Variants in ADAM11 observed in about 807,000 individuals in gnomAD.
ADAM11 encodes the protein ADAM metallopeptidase domain 11, also known as disintegrin and metalloproteinase domain-containing protein 11.
A neutral mutation model predicts 119.1 loss-of-function variants in ADAM11; 49 were observed. That is an observed-to-expected ratio of 0.41 (90% confidence interval 0.33 to 0.52). The LOEUF (loss-of-function observed/expected upper bound fraction) is 0.52, where lower values mean the gene tolerates loss of function less well. ADAM11 is among the 20% of genes least tolerant of loss of function. ADAM11 has a pLI of 0.20. For missense variants in ADAM11, 777 were observed against 1,047.5 expected (o/e 0.74, Z 3.56); for synonymous variants, 364 against 408.0 (o/e 0.89, Z 1.30).
rs939032957 is a variant in ADAM11 at position 44,775,174 on chromosome 17, G to A, written c.1221-38G>A. 3.8e-6 allele frequency: 6 copies of A among 1,558,962 alleles called. No individual in the cohort carries two copies. Among genetic ancestry groups the A allele is most frequent in the Non-Finnish European group, 5.3e-6 (6 of 1,131,422 alleles). On this transcript the variant is annotated intron_variant, in intron 14 of 26. Transcript: ENST00000200557. This position sits in a 1 kb window ranked among gnomAD's most constrained non-coding sequence, Gnocchi z 7.5. ...TTGAGAGGGGTGAGGGTGGGTTGGA[G>A]GGGAGCAGCCAGCAGCACCTCCCCT...
Position 44,775,800 on chromosome 17 carries a change from C to A in ADAM11, c.1485+124C>A. 9.7e-7 allele frequency: 1 copy of A among 1,034,268 alleles called. No individual in the cohort carries two copies. The highest frequency in any genetic ancestry group is 1.4e-6 in the Non-Finnish European group (1 of 725,270). The allele number at this position is 1,034,268 out of a possible 1,614,324, so 64.1% of individuals were successfully genotyped here. A position where few individuals can be genotyped will look rare whatever the true frequency, so the allele number is the denominator to read the frequency against. ...GGGGACGAAGGCCTCTGGGGCAGGG[C>A]TTGATGCGAAGACAGCGCCAATGGG... is the stretch of plus-strand genomic sequence containing the variant. On this transcript the variant is annotated intron_variant, in intron 17 of 26. Coordinates refer to ENST00000200557, the MANE Select transcript of ADAM11 (RefSeq NM_002390.6). This position sits in a 1 kb window ranked among gnomAD's most constrained non-coding sequence, Gnocchi z 7.5.
chr17:44,776,337 A>C lies in ADAM11; in HGVS notation c.1566+130A>C. On this transcript the variant is annotated intron_variant, in intron 18 of 26. Transcript: ENST00000200557. This position sits in a 1 kb window ranked among gnomAD's most constrained non-coding sequence, Gnocchi z 5.2. ...GCTGGCATCGACCTCCACTGATCAG[A>C]CTGTTTTCTTATCTGAGAAAGGGGT... 1 of 929,048 alleles carries C rather than the reference A, an allele frequency of 1.1e-6. No individual in the cohort carries two copies. The highest frequency in any genetic ancestry group is 1.7e-6 in the Non-Finnish European group (1 of 606,044). 57.6% of individuals were successfully genotyped at this position (929,048 alleles called of 1,614,324 possible). A position where few individuals can be genotyped will look rare whatever the true frequency, so the allele number is the denominator to read the frequency against.
chr17:44,774,777 A>C, intron 14 of ADAM11, 28 bp downstream of exon 14: 2 of 1,588,166 alleles, frequency 1.3e-6, no homozygotes, highest in Non-Finnish European at 1.7e-6. Context: ...AACCGGGGGA[A>C]GGTCTTGGGC....
In ADAM11 at chr17:44,773,620, C is replaced by T. The variant is rs2049559074; in HGVS notation, c.992+193C>T. Among the ~76,000 whole-genome samples the T allele has an allele frequency of 6.6e-6, 1 of 152,190 alleles. No homozygotes were observed. The highest frequency in any genetic ancestry group is 6.5e-5 in the Admixed American group (1 of 15,286). The stretch of plus-strand genomic sequence containing the variant: ...CTGAATCTGAGGTTGATGCCCTTGT[C>T]TTAGCCCTGGTGGTCCTCTTCTGCC... On this transcript the variant is annotated intron_variant, in intron 11 of 26. Coordinates refer to ENST00000200557, the MANE Select transcript of ADAM11 (RefSeq NM_002390.6). The surrounding 1 kb of genome is among the most constrained non-coding windows in gnomAD (Gnocchi z 4.6).
At chr17:44,765,328 G>A (rs925493122) in intron 2 of ADAM11, among the ~76,000 whole-genome samples, 1 of 152,132 alleles carries the variant, frequency 6.6e-6, no homozygotes, top group Non-Finnish European at 1.5e-5. Context: ...AGGTGGTGGT[G>A]TCTCCTTGCG....
chr17:44,765,538 C>A (rs919325934), intron 2 of ADAM11, among the ~76,000 whole-genome samples: 1 of 151,928 alleles, frequency 6.6e-6, no homozygotes, highest in Non-Finnish European at 1.5e-5. Context: ...TTATTATTGA[C>A]CCTTATGATA....
In ADAM11 at chr17:44,776,646, C is replaced by T; in HGVS notation, c.1567-99C>T. ...GTGGAAGAGCCCTGTGGCATGAGCCCCCAATGGGGGGCACTTGGTACCCCA... is the reference window on the plus strand; with the variant it reads ...GTGGAAGAGCCCTGTGGCATGAGCCTCCAATGGGGGGCACTTGGTACCCCA... On this transcript the variant is annotated intron_variant, in intron 18 of 26. Coordinates refer to ENST00000200557, the MANE Select transcript of ADAM11 (RefSeq NM_002390.6). This position sits in a 1 kb window ranked among gnomAD's most constrained non-coding sequence, Gnocchi z 5.2. 1 of 1,448,338 alleles carries T rather than the reference C, an allele frequency of 6.9e-7. No homozygotes were observed. Among genetic ancestry groups the T allele is most frequent in the South Asian group, 1.3e-5 (1 of 79,992 alleles). The allele number at this position is 1,448,338 out of a possible 1,614,324, so 89.7% of individuals were successfully genotyped here. A position where few individuals can be genotyped will look rare whatever the true frequency, so the allele number is the denominator to read the frequency against.
chr17:44,767,642 G>T (rs983248729), intron 2 of ADAM11, among the ~76,000 whole-genome samples: 6 of 152,296 alleles, frequency 3.9e-5, no homozygotes, highest in Middle Eastern at 3.4e-3. Flanking sequence ...GCCACCTCCA[G>T]CCAGGCCCAG....
In ADAM11 at chr17:44,774,464, A is replaced by T. The variant is rs2049571403; in HGVS notation, c.1078-28A>T. On this transcript the variant is annotated intron_variant, in intron 12 of 26. Transcript: ENST00000200557. The stretch of plus-strand genomic sequence containing the variant: ...GACGTGCCTGTTGGAAGATGTAGAC[A>T]TCTGTGCCCCATCTTCCCCACCCCC... 1.9e-6 allele frequency: 3 copies of T among 1,608,984 alleles called. No homozygotes were observed. In the South Asian group the frequency reaches 3.3e-5, roughly 18 times the overall value.
Position 44,780,229 on chromosome 17 carries a change from G to A in ADAM11, c.*475G>A, listed in dbSNP as rs1446357692. The stretch of plus-strand genomic sequence containing the variant: ...TTAATCGATGAATGTAAACTCGGGG[G>A]TGCTGGGGCCAGGGCAGATGTGGGG... On this transcript the variant is annotated 3_prime_UTR_variant, in exon 27 of 27. Coordinates refer to ENST00000200557, the MANE Select transcript of ADAM11 (RefSeq NM_002390.6). The A allele has an allele frequency of 4.5e-6, 2 of 445,144 alleles. No individual in the cohort carries two copies. Among genetic ancestry groups the A allele is most frequent in the Non-Finnish European group, 8.8e-6 (2 of 227,006 alleles). 27.6% of individuals were successfully genotyped at this position (445,144 alleles called of 1,614,324 possible).
Position 44,770,043 on chromosome 17 carries a change from AGCACC to A in ADAM11, c.378_381+1del. The stretch of plus-strand genomic sequence containing the variant: ...CAGCCGGGAGGGGACAACCCAGCAC[AGCACC>A]GTGAGTGCCACTGCAGGGGACCGGG... On this transcript the variant is annotated frameshift_variant and splice_region_variant, in exon 4 of 27. Coordinates refer to ENST00000200557, the MANE Select transcript of ADAM11 (RefSeq NM_002390.6). LOFTEE classifies it high-confidence loss of function. 6.2e-7 allele frequency: 1 copy of A among 1,614,006 alleles called. No homozygotes were observed. Among genetic ancestry groups the A allele is most frequent in the Non-Finnish European group, 8.5e-7 (1 of 1,179,988 alleles).
rs773470469 is a variant in ADAM11 at position 44,775,374 on chromosome 17, G to A, written c.1321-20G>A. The A allele has an allele frequency of 4.3e-6, 7 of 1,612,720 alleles. No homozygotes were observed. Among genetic ancestry groups the A allele is most frequent in the South Asian group, 1.1e-5 (1 of 91,048 alleles). On this transcript the variant is annotated intron_variant, in intron 15 of 26. Transcript: ENST00000200557. This position sits in a 1 kb window ranked among gnomAD's most constrained non-coding sequence, Gnocchi z 7.5. ...TGGGCGGGGTCCGGGCCAGACTCCCGACCTGTCCTCCCGGTCCAGCTCCTG... is the reference window on the plus strand; with the variant it reads ...TGGGCGGGGTCCGGGCCAGACTCCCAACCTGTCCTCCCGGTCCAGCTCCTG...
In ADAM11 at chr17:44,776,474, G is replaced by A. The variant is rs2049602951; in HGVS notation, c.1566+267G>A. On this transcript the variant is annotated intron_variant, in intron 18 of 26. Coordinates refer to ENST00000200557, the MANE Select transcript of ADAM11 (RefSeq NM_002390.6). This position sits in a 1 kb window ranked among gnomAD's most constrained non-coding sequence, Gnocchi z 5.2. ...GTGTAGGTTAGGGATCAGAGTAGAC[G>A]ATAATATTAGTTAACATCTATTACA... Among the ~76,000 whole-genome samples the A allele has an allele frequency of 6.6e-6, 1 of 152,148 alleles. No individual in the cohort carries two copies. Among genetic ancestry groups the A allele is most frequent in the Non-Finnish European group, 1.5e-5 (1 of 68,028 alleles).
chr17:44,771,951 C>A, intron 6 of ADAM11, 120 bp downstream of exon 6: 2 of 1,170,508 alleles, frequency 1.7e-6, no homozygotes, highest in South Asian at 1.5e-5. Context: ...GCCTCACTGC[C>A]CTCTTCAGTG....
intron 2 of ADAM11, among the ~76,000 whole-genome samples, chr17:44,764,710 C>T (rs946687369): frequency 3.3e-5 from 5 of 152,192 alleles, no homozygotes; most frequent in Admixed American, 3.3e-4. Context: ...GCCCCCTGAA[C>T]ACCACCTTCC....
intron 2 of ADAM11, 97 bp from the exon 3 acceptor site, chr17:44,769,620 CA>C: frequency 7.6e-6 from 6 of 791,262 alleles, no homozygotes; most frequent in Admixed American, 2.1e-5. Context: ...TAGGGCTGGC[CA>C]CCCCTTCCCC....
Position 44,777,914 on chromosome 17 carries a change from GC to G in ADAM11, c.2071-34del. On this transcript the variant is annotated intron_variant, in intron 23 of 26. Coordinates refer to ENST00000200557, the MANE Select transcript of ADAM11 (RefSeq NM_002390.6). The surrounding 1 kb of genome is among the most constrained non-coding windows in gnomAD (Gnocchi z 5.1). ...GGGAGAAGCTTACAAGAGGGGACAG[GC>G]CCCTGCTCACCTCTCCTGGCCCTGC... 1 of 1,613,660 alleles carries G rather than the reference GC, an allele frequency of 6.2e-7. No individual in the cohort carries two copies. The highest frequency in any genetic ancestry group is 8.5e-7 in the Non-Finnish European group (1 of 1,179,900).
intron 4 of ADAM11, among the ~76,000 whole-genome samples, chr17:44,771,151 A>G (rs1007750142): frequency 1.3e-5 from 2 of 151,782 alleles, no homozygotes; most frequent in African/African-American, 4.8e-5. Context: ...AAAATTAGCT[A>G]TGTGTGGTGG....
chr17:44,767,566 AC>A (rs1459545366), intron 2 of ADAM11, among the ~76,000 whole-genome samples: 1 of 151,690 alleles, frequency 6.6e-6, no homozygotes, highest in Non-Finnish European at 1.5e-5. Flanking sequence ...CCAGGCAAAC[AC>A]CCCTTGGTAT....
Sources: gnomAD v4.1 joint callset for allele counts (sites outside exome capture counted in the v4.1 genomes callset) on GRCh38, gnomAD v4.1.1 for gene constraint, Gnocchi (gnomAD v3.1) non-coding constraint, MANE v1.5 for transcripts, NCBI Gene and HGNC (gene_info 2026-07-23, HGNC 2026-07-21) for gene names.